ITPR1: variants seen among roughly 807,000 people sequenced by gnomAD.
ITPR1 encodes the protein inositol 1,4,5-trisphosphate receptor type 1.
A neutral mutation model predicts 318.4 loss-of-function variants in ITPR1; 96 were observed. That is an observed-to-expected ratio of 0.30 (90% CI 0.26 to 0.36). The LOEUF is 0.36. Among genes scored for constraint, ITPR1 ranks in the 10% least tolerant of loss-of-function variants. The pLI is 1.00. For synonymous variants in ITPR1, 1,312 were observed against 1,289.9 expected (o/e 1.02, Z -0.37); for missense variants, 2,440 against 3,460.2 (o/e 0.71, Z 7.40).
At chr3:4,704,762 T>G (rs2094722781) in intron 36 of ITPR1, among the ~76,000 whole-genome samples, 2 of 151,926 alleles carry the variant, frequency 1.3e-5, no homozygotes, top group Non-Finnish European at 2.9e-5. Context: ...TGTGGAACGG[T>G]AAGACATGAA....
intron 10 of ITPR1, among the ~76,000 whole-genome samples, chr3:4,651,779 G>A (rs2093604291): frequency 1.3e-5 from 2 of 152,186 alleles, no homozygotes; most frequent in Admixed American, 6.5e-5. Flanking sequence ...AGATTGCTTT[G>A]ACAGTTCTCC....
intron 12 of ITPR1, 98 bp downstream of exon 12, chr3:4,653,984 C>A: frequency 2.4e-6 from 2 of 847,356 alleles, no homozygotes; most frequent in Non-Finnish European, 3.8e-6. Flanking sequence ...TCACGGAGTG[C>A]TGGGGAAGGA....
At chr3:4,795,863 G>T (rs2047866231) in intron 53 of ITPR1, among the ~76,000 whole-genome samples, 1 of 152,156 alleles carries the variant, frequency 6.6e-6, no homozygotes, top group Non-Finnish European at 1.5e-5. Context: ...GGGGCCCCTC[G>T]ACAAGCATTC....
chr3:4,817,145 T>C (rs1473950552), intron 59 of ITPR1, among the ~76,000 whole-genome samples: 1 of 152,202 alleles, frequency 6.6e-6, no homozygotes, highest in Non-Finnish European at 1.5e-5. Context: ...GGCATCATAA[T>C]ATATTCCAGG....
chr3:4,783,751 AG>A, intron 50 of ITPR1, 64 bp from the exon 51 acceptor site: 2 of 1,227,120 alleles, frequency 1.6e-6, no homozygotes, highest in Non-Finnish European at 2.4e-6. Context: ...AACATGAGAA[AG>A]GAGTTTCTGT....
chr3:4,579,762 G>A (rs557587778), intron 4 of ITPR1, among the ~76,000 whole-genome samples: 1 of 152,162 alleles, frequency 6.6e-6, no homozygotes, highest in Admixed American at 6.5e-5. Flanking sequence ...TCTTTCTGGT[G>A]CTGTTTGAAT....
intron 4 of ITPR1, among the ~76,000 whole-genome samples, chr3:4,595,284 A>G (rs987513355): frequency 1.1e-4 from 16 of 152,314 alleles, no homozygotes; most frequent in Non-Finnish European, 1.8e-4. Flanking sequence ...AAACTTTGTC[A>G]TGGTGGAAGG....
At chr3:4,725,889 C>T (rs2042479626) in intron 41 of ITPR1, among the ~76,000 whole-genome samples, 1 of 152,146 alleles carries the variant, frequency 6.6e-6, no homozygotes, top group Non-Finnish European at 1.5e-5. Context: ...GATGTTAAGA[C>T]CTTTCTGCTG....
At chr3:4,678,733 G>A (rs564738237) in intron 24 of ITPR1, among the ~76,000 whole-genome samples, 1 of 152,288 alleles carries the variant, frequency 6.6e-6, no homozygotes, top group Non-Finnish European at 1.5e-5. Context: ...GAGCCTTTAA[G>A]GTGCATGGGC....
At chr3:4,508,301 A>G (rs1316121952) in intron 2 of ITPR1, among the ~76,000 whole-genome samples, 1 of 152,120 alleles carries the variant, frequency 6.6e-6, no homozygotes, top group Non-Finnish European at 1.5e-5. Flanking sequence ...TAACTAGTAT[A>G]AAGTCAATTT....
At chr3:4,607,029 A>G (rs1032181630) in intron 4 of ITPR1, among the ~76,000 whole-genome samples, 7 of 152,194 alleles carry the variant, frequency 4.6e-5, no homozygotes, top group African/African-American at 1.7e-4. Context: ...ATTCCTGGCT[A>G]ATATTCTTTC....
intron 44 of ITPR1, among the ~76,000 whole-genome samples, chr3:4,741,391 A>G (rs2043690882): frequency 6.6e-6 from 1 of 152,214 alleles, no homozygotes. Flanking sequence ...TTCCTATGCC[A>G]AAGTCTAGTC....
chr3:4,625,568 T>C (rs2092795997), intron 4 of ITPR1, among the ~76,000 whole-genome samples: 1 of 152,168 alleles, frequency 6.6e-6, no homozygotes, highest in Non-Finnish European at 1.5e-5. Context: ...TTTATTTTTA[T>C]TTTTTTGAGA....
chr3:4,690,062 A>G (rs551893759), intron 31 of ITPR1, among the ~76,000 whole-genome samples: 1 of 152,310 alleles, frequency 6.6e-6, no homozygotes, highest in Non-Finnish European at 1.5e-5. Flanking sequence ...GGATCACTTG[A>G]GATCAGGAGT....
chr3:4,673,912 C>T (rs553370502), intron 21 of ITPR1, among the ~76,000 whole-genome samples: 6 of 152,242 alleles, frequency 3.9e-5, no homozygotes, highest in Admixed American at 2.0e-4. Context: ...TCATTTATCT[C>T]CTCTTTCATT....
rs781717087 is a variant in ITPR1 at position 4,788,091 on chromosome 3, C to T, written c.6760C>T (p.Arg2254Trp). The T allele has an allele frequency of 2.5e-6, 4 of 1,609,286 alleles. No homozygotes were observed. Among genetic ancestry groups the T allele is most frequent in the East Asian group, 2.2e-5 (1 of 44,784 alleles). Reference protein sequence around the residue: ...QGSKINDFFLRSEDLFNEMNW... With the variant: ...QGSKINDFFLWSEDLFNEMNW... ...CAGCAAAATCAATGATTTCTTTCTG[C>T]GGTCTGAAGACCTCTTCAATGAAAT... The change falls in exon 52 of 62, where the codon CGG becomes TGG. Residue 2254 changes from arginine (R) to tryptophan (W), a missense_variant. Arg to Trp is a moderately radical substitution (Grantham distance 101, BLOSUM62 -3). This residue lies in a region of ITPR1 where 115 missense variants were observed against 204.5 expected (regional missense o/e 0.56). Coordinates refer to ENST00000649015, the MANE Select transcript of ITPR1 (RefSeq NM_001378452.1).
intron 42 of ITPR1, among the ~76,000 whole-genome samples, chr3:4,728,469 A>G (rs561236461): frequency 9.2e-5 from 14 of 152,304 alleles, no homozygotes; most frequent in Non-Finnish European, 1.6e-4. Flanking sequence ...TTGTGGGTAC[A>G]TAGTAGGTGT....
intron 4 of ITPR1, among the ~76,000 whole-genome samples, chr3:4,564,130 G>C (rs1051408791): frequency 6.6e-6 from 1 of 151,924 alleles, no homozygotes; most frequent in Non-Finnish European, 1.5e-5. Context: ...TTGTAGAGAC[G>C]GGGTTTCACC....
At chr3:4,658,035 C>T in intron 12 of ITPR1, 89 bp from the exon 13 acceptor site, 3 of 1,296,974 alleles carry the variant, frequency 2.3e-6, no homozygotes, top group Non-Finnish European at 3.2e-6. Flanking sequence ...ACGATCCTTT[C>T]TTCTCCGTTC....
Sources: allele counts gnomAD v4.1 joint callset (sites outside exome capture counted in the v4.1 genomes callset), GRCh38; gene constraint gnomAD v4.1.1; regional missense constraint gnomAD v4.1.1; transcripts MANE v1.5; gene names NCBI Gene and HGNC (gene_info 2026-07-23, HGNC 2026-07-21).